Variants in SYT6 observed in about 807,000 individuals in gnomAD.
SYT6 encodes the protein synaptotagmin 6, also known as synaptotagmin-6.
Under a neutral mutation model 38.4 loss-of-function variants are expected in SYT6, and 24 were observed. That is an observed-to-expected ratio of 0.62 (90% CI 0.45 to 0.88). The LOEUF (loss-of-function observed/expected upper bound fraction) is 0.88. SYT6 is among the 40% of genes least tolerant of loss of function. The pLI is 0.00. For synonymous variants in SYT6, 265 were observed against 241.9 expected (o/e 1.10, Z -0.89); for missense variants, 611 against 621.0 (o/e 0.98, Z 0.17).
At chr1:114,133,978 G>A (rs74338956) in intron 3 of SYT6, among the ~76,000 whole-genome samples, 2 of 152,218 alleles carry the variant, frequency 1.3e-5, no homozygotes, top group African/African-American at 4.8e-5. Context: ...GCACCAGGGT[G>A]GGGGTGGGAA....
intron 3 of SYT6, among the ~76,000 whole-genome samples, chr1:114,108,748 T>C (rs1233515702): frequency 6.6e-6 from 1 of 152,232 alleles, no homozygotes; most frequent in African/African-American, 2.4e-5. Flanking sequence ...AGGCCAGTCA[T>C]GTTTCCTCCT....
intron 3 of SYT6, among the ~76,000 whole-genome samples, chr1:114,132,778 C>T (rs541341538): frequency 6.6e-6 from 1 of 152,320 alleles, no homozygotes; most frequent in South Asian, 2.1e-4. Flanking sequence ...GCAAGCTGCT[C>T]TGTGACAGTG....
rs150830922 is a variant in SYT6, at chr1:114,090,323, C to T, written c.*1811G>A. Reference sequence around the variant, plus strand: ...CAAGATATCTGGGGAGAAAAGTCATCTTTACACATGAGTCCCTAGCCTAAG... The same window carrying T: ...CAAGATATCTGGGGAGAAAAGTCATTTTTACACATGAGTCCCTAGCCTAAG... On this transcript the variant is annotated 3_prime_UTR_variant, in exon 8 of 8. Transcript: ENST00000610222. 1.3e-5 allele frequency: 2 copies of T among 152,476 alleles called. No homozygotes were observed. The highest frequency in any genetic ancestry group is 3.8e-4 in the East Asian group (2 of 5,326). 9.4% of individuals were successfully genotyped at this position (152,476 alleles called of 1,614,324 possible).
chr1:114,126,833 A>C (rs550045606), intron 3 of SYT6, among the ~76,000 whole-genome samples: 1 of 152,318 alleles, frequency 6.6e-6, no homozygotes, highest in East Asian at 1.9e-4. Flanking sequence ...GAGGGAAGAC[A>C]GGGCTGCGGT....
intron 3 of SYT6, among the ~76,000 whole-genome samples, chr1:114,128,165 C>G (rs1271734649): frequency 6.6e-6 from 1 of 152,236 alleles, no homozygotes; most frequent in Admixed American, 6.5e-5. Context: ...GACTCAGGCA[C>G]ACCTTTACAC....
At chr1:114,095,666 C>CT (rs11409616) in intron 6 of SYT6, among the ~76,000 whole-genome samples, 84,107 of 146,166 alleles carry the variant, frequency 0.58, 24,756 homozygotes, top group Non-Finnish European at 0.66. Flanking sequence ...GTTTTCTTTT[C>CT]TTTTTTTTTT....
rs577029097 is a variant in SYT6 at position 114,107,854 on chromosome 1, A to G, written c.1072-4133T>C. 2.4e-4 allele frequency among the ~76,000 whole-genome samples: 37 copies of G among 152,328 alleles called. No homozygotes were observed. In the South Asian group the frequency reaches 4.3e-3, roughly 18 times the overall value. On this transcript the variant is annotated intron_variant, in intron 3 of 7. Transcript: ENST00000610222. ...GAGGTGTTTGAGACTTTGGACTTCA[A>G]TAAAACAAGGGGTGACCAGGGGCTT...
At chr1:114,108,021 A>G (rs572721581) in intron 3 of SYT6, among the ~76,000 whole-genome samples, 34 of 152,216 alleles carry the variant, frequency 2.2e-4, no homozygotes, top group Non-Finnish European at 4.6e-4. Context: ...GTAGCCCTCT[A>G]GACTTCTAAC....
chr1:114,115,811 C>G (rs1198553181), intron 3 of SYT6, among the ~76,000 whole-genome samples: 2 of 152,086 alleles, frequency 1.3e-5, no homozygotes, highest in Admixed American at 1.3e-4. Context: ...GGTTAAATAA[C>G]TTGCCTAGGG....
chr1:114,096,539 A>G (rs1202706061), intron 6 of SYT6, among the ~76,000 whole-genome samples: 1 of 152,074 alleles, frequency 6.6e-6, no homozygotes, highest in South Asian at 2.1e-4. Flanking sequence ...CTATGTTTCC[A>G]TGGGTCCAAT....
intron 3 of SYT6, among the ~76,000 whole-genome samples, chr1:114,135,877 A>G (rs555017126): frequency 6.6e-6 from 1 of 152,326 alleles, no homozygotes; most frequent in South Asian, 2.1e-4. Flanking sequence ...CAGTTACCAT[A>G]ATGAAGCCAC....
chr1:114,090,264 G>T lies in SYT6; in HGVS notation c.*1870C>A, dbSNP rs868244755. ...CTCACTCTCAGGAGAACACCCAAAT[G>T]TAGGACTACCAGACTAGGAAGGCCT... On this transcript the variant is annotated 3_prime_UTR_variant, in exon 8 of 8. Coordinates refer to ENST00000610222, the MANE Select transcript of SYT6 (RefSeq NM_001253772.2). 1 of 152,396 alleles carries T rather than the reference G, an allele frequency of 6.6e-6. No homozygotes were observed. The highest frequency in any genetic ancestry group is 2.4e-5 in the African/African-American group (1 of 41,464). 9.4% of individuals were successfully genotyped at this position (152,396 alleles called of 1,614,324 possible). A position where few individuals can be genotyped will look rare whatever the true frequency, so the allele number is the denominator to read the frequency against.
At chr1:114,133,039 C>T (rs1313044580) in intron 3 of SYT6, among the ~76,000 whole-genome samples, 2 of 152,116 alleles carry the variant, frequency 1.3e-5, no homozygotes, top group Admixed American at 1.3e-4. Flanking sequence ...TAAGGCCTCC[C>T]TTCCTCCCTG....
intron 3 of SYT6, among the ~76,000 whole-genome samples, chr1:114,106,649 T>C (rs1366762051): frequency 6.6e-6 from 1 of 152,074 alleles, no homozygotes; most frequent in Non-Finnish European, 1.5e-5. Flanking sequence ...TTGGTCCTTC[T>C]TGTCAAAATG....
intron 3 of SYT6, among the ~76,000 whole-genome samples, chr1:114,124,785 C>A (rs1409705051): frequency 6.6e-6 from 1 of 152,218 alleles, no homozygotes; most frequent in Non-Finnish European, 1.5e-5. Flanking sequence ...TTAGCCAGTT[C>A]CTGAGTGGCA....
At chr1:114,120,801 G>A (rs1677347303) in intron 3 of SYT6, among the ~76,000 whole-genome samples, 1 of 152,218 alleles carries the variant, frequency 6.6e-6, no homozygotes, top group South Asian at 2.1e-4. Context: ...TAACAAGATG[G>A]GGTCCCTGCC....
At chr1:114,130,666 C>T (rs1475213418) in intron 3 of SYT6, among the ~76,000 whole-genome samples, 6 of 152,162 alleles carry the variant, frequency 3.9e-5, no homozygotes, top group African/African-American at 1.4e-4. Context: ...GCTCTGAAAC[C>T]TCTGTTCAAC....
chr1:114,133,487 T>G (rs543744306), intron 3 of SYT6, among the ~76,000 whole-genome samples: 27 of 152,206 alleles, frequency 1.8e-4, no homozygotes, highest in Non-Finnish European at 3.8e-4. Flanking sequence ...CAGAAGATGC[T>G]AGGAGGGAAG....
At chr1:114,101,606 G>C (rs1221405998) in intron 4 of SYT6, among the ~76,000 whole-genome samples, 1 of 152,188 alleles carries the variant, frequency 6.6e-6, no homozygotes, top group Non-Finnish European at 1.5e-5. Flanking sequence ...CTGGGTTTTA[G>C]ACATCAATGC....
Sources: allele counts gnomAD v4.1 joint callset (sites outside exome capture counted in the v4.1 genomes callset), GRCh38; gene constraint gnomAD v4.1.1; transcripts MANE v1.5; gene names NCBI Gene and HGNC (gene_info 2026-07-23, HGNC 2026-07-21).